The following ANKRD30BL variants were observed in gnomAD, a reference collection of about 807,000 sequenced individuals.
ANKRD30BL encodes ankyrin repeat domain 30B like, also known as putative ankyrin repeat domain-containing protein 30B-like.
In ANKRD30BL, 20 loss-of-function variants were observed where a neutral mutation model predicts 18.4. The ratio of observed to expected loss-of-function variants is 1.09; its 90% CI spans 0.77 to 1.58. The LOEUF (loss-of-function observed/expected upper bound fraction) is 1.58. Ranked by LOEUF, ANKRD30BL falls within the 40% of genes most tolerant of loss-of-function variation. The pLI, the probability that ANKRD30BL is intolerant of heterozygous loss-of-function variation, is 0.00. For synonymous variants in ANKRD30BL, 72 were observed against 100.9 expected, an observed-to-expected ratio of 0.71 and a Z score of 1.72; for missense variants, 224 against 268.6, an observed-to-expected ratio of 0.83 and a Z score of 1.16.
At chr2:132,150,367 G>A (rs1200990574) in intron 5 of ANKRD30BL, among the ~76,000 whole-genome samples, 1 of 147,148 alleles carries the variant, frequency 6.8e-6, no homozygotes, top group African/African-American at 2.6e-5. Flanking sequence ...TTCAAATGTT[G>A]CAGTTTTCTG....
At chr2:132,254,146 C>G (rs565467076) in intron 1 of ANKRD30BL, among the ~76,000 whole-genome samples, 2 of 152,050 alleles carry the variant, frequency 1.3e-5, no homozygotes, top group Non-Finnish European at 2.9e-5. Context: ...GCCCGCCCCA[C>G]GACACGCACA....
chr2:132,233,388 G>T (rs1445679566), intron 1 of ANKRD30BL, among the ~76,000 whole-genome samples: 1 of 142,720 alleles, frequency 7.0e-6, no homozygotes, highest in African/African-American at 2.6e-5. Context: ...GACACAGACT[G>T]GCAAATTGGA....
intron 1 of ANKRD30BL, among the ~76,000 whole-genome samples, chr2:132,230,956 C>T (rs1406947824): frequency 6.6e-6 from 1 of 152,144 alleles, no homozygotes; most frequent in South Asian, 2.1e-4. Context: ...AGATGGAATG[C>T]TTTGCAGCCT....
At chr2:132,219,120 C>T (rs1241148099) in intron 1 of ANKRD30BL, among the ~76,000 whole-genome samples, 19 of 151,212 alleles carry the variant, frequency 1.3e-4, no homozygotes, top group Admixed American at 1.1e-3. Flanking sequence ...TGCCTTGAGG[C>T]CTATGGTGGA....
intron 4 of ANKRD30BL, chr2:132,153,396 C>T (rs1687815791): frequency 7.9e-6 from 3 of 377,692 alleles, no homozygotes; most frequent in African/African-American, 2.1e-5. Flanking sequence ...CATTAGCGTC[C>T]CTAAAGCCCT....
chr2:132,187,184 G>GTTTTTTTTT (rs1392451243), intron 1 of ANKRD30BL, among the ~76,000 whole-genome samples: 6 of 105,352 alleles, frequency 5.7e-5, no homozygotes, highest in Admixed American at 1.9e-4. Context: ...TTTTTTTTTT[G>GTTTTTTTTT]TTTGTTTTTT....
At chr2:132,233,802 C>T (rs1382127626) in intron 1 of ANKRD30BL, among the ~76,000 whole-genome samples, 1 of 149,062 alleles carries the variant, frequency 6.7e-6, no homozygotes, top group East Asian at 2.0e-4. Flanking sequence ...ACAAGGATAC[C>T]CAGGAATTGA....
chr2:132,225,824 G>A (rs1026677272), intron 1 of ANKRD30BL, among the ~76,000 whole-genome samples: 20 of 151,822 alleles, frequency 1.3e-4, no homozygotes, highest in Non-Finnish European at 2.2e-4. Context: ...CGGTGGAAAA[G>A]GAAATATCTT....
intron 1 of ANKRD30BL, among the ~76,000 whole-genome samples, chr2:132,226,095 T>C (rs1485707105): frequency 6.6e-6 from 1 of 152,102 alleles, no homozygotes; most frequent in East Asian, 1.9e-4. Flanking sequence ...TACTTTATCA[T>C]AGAGCAGTTA....
intron 1 of ANKRD30BL, among the ~76,000 whole-genome samples, chr2:132,195,253 G>A (rs1678938966): frequency 6.6e-6 from 1 of 152,166 alleles, no homozygotes; most frequent in South Asian, 2.1e-4. Flanking sequence ...TGTGATTAGT[G>A]GTGAAGGAGG....
chr2:132,219,318 C>T (rs941365245), intron 1 of ANKRD30BL, among the ~76,000 whole-genome samples: 6 of 151,726 alleles, frequency 4.0e-5, no homozygotes, highest in African/African-American at 9.7e-5. Flanking sequence ...AATATCTTCA[C>T]GTAATCACTA....
chr2:132,234,695 A>G lies in ANKRD30BL; in HGVS notation n.441+22834T>C, dbSNP rs537604428. ...GGCTCTGAAATTGTGGCAATAATCA[A>G]TAGCTTACCAACAAAAAGAGTCCAG... On this transcript the variant is annotated intron_variant and non_coding_transcript_variant, in intron 1 of 4. Coordinates refer to the ANKRD30BL transcript ENST00000470729. 7.9e-5 allele frequency among the ~76,000 whole-genome samples: 12 copies of G among 152,272 alleles called. No homozygotes were observed. In the South Asian group the frequency reaches 2.5e-3, roughly 32 times the overall value.
intron 1 of ANKRD30BL, among the ~76,000 whole-genome samples, chr2:132,247,674 A>G (rs544389626): frequency 6.6e-6 from 1 of 152,158 alleles, no homozygotes; most frequent in Non-Finnish European, 1.5e-5. Context: ...TGCTAAATCA[A>G]AAGAAAAGTT....
intron 5 of ANKRD30BL, among the ~76,000 whole-genome samples, chr2:132,150,161 TTAAA>T (rs1687718773): frequency 6.6e-6 from 1 of 151,870 alleles, no homozygotes; most frequent in South Asian, 2.1e-4. Context: ...ATTACAAAAA[TTAAA>T]TAAAGCCCAG....
At chr2:132,224,767 G>T (rs112992589) in intron 1 of ANKRD30BL, among the ~76,000 whole-genome samples, 1 of 150,598 alleles carries the variant, frequency 6.6e-6, no homozygotes, top group African/African-American at 2.4e-5. Context: ...GAATCTGAAG[G>T]GGATATTTTG....
intron 1 of ANKRD30BL, among the ~76,000 whole-genome samples, chr2:132,158,285 G>T (rs1266433613): frequency 1.3e-5 from 2 of 151,998 alleles, no homozygotes; most frequent in Non-Finnish European, 2.9e-5. Context: ...AAGAAAACTT[G>T]GGATTCAAGA....
At chr2:132,153,022 G>A (rs765235794) in intron 4 of ANKRD30BL, among the ~76,000 whole-genome samples, 4 of 152,198 alleles carry the variant, frequency 2.6e-5, no homozygotes, top group African/African-American at 9.7e-5. Context: ...GAAGACTGAA[G>A]AACCTGTGTT....
At chr2:132,221,131 A>G (rs1395442209) in intron 1 of ANKRD30BL, among the ~76,000 whole-genome samples, 1 of 141,966 alleles carries the variant, frequency 7.0e-6, no homozygotes, top group Non-Finnish European at 1.5e-5. Flanking sequence ...TCCAGCAGCC[A>G]CCCCGTCTGG....
At chr2:132,198,268 TTTTC>T (rs1372612115) in intron 1 of ANKRD30BL, among the ~76,000 whole-genome samples, 1,106 of 109,704 alleles carry the variant, frequency 0.01, 9 homozygotes, top group African/African-American at 0.014. Flanking sequence ...TCTTTCTTTC[TTTTC>T]TTTCTTTCTT....
Sources: allele counts gnomAD v4.1 joint callset (sites outside exome capture counted in the v4.1 genomes callset), GRCh38; gene constraint gnomAD v4.1.1; transcripts MANE v1.5; gene names NCBI Gene and HGNC (gene_info 2026-07-23, HGNC 2026-07-21).